Variants in CHCHD6 observed in about 807,000 individuals in gnomAD.
The protein encoded by CHCHD6 is coiled-coil-helix-coiled-coil-helix domain containing 6.
Under a neutral mutation model 32.3 loss-of-function variants are expected in CHCHD6, and 28 were observed. The observed-to-expected ratio is 0.87, with a 90% CI of 0.64 to 1.19. CHCHD6 has a LOEUF of 1.19. Among genes scored for constraint, CHCHD6 ranks in the 50% most tolerant of loss-of-function variants. The pLI is 0.00. For missense variants in CHCHD6, 333 were observed against 307.0 expected (o/e 1.08, Z -0.63); for synonymous variants, 122 against 117.5 (o/e 1.04, Z -0.25).
At chr3:126,865,285 C>T (rs1449364410) in intron 5 of CHCHD6, among the ~76,000 whole-genome samples, 1 of 151,700 alleles carries the variant, frequency 6.6e-6, no homozygotes, top group Non-Finnish European at 1.5e-5. Flanking sequence ...TCCTCTACTT[C>T]CAGCCACCTC....
At chr3:126,801,854 T>C (rs1228887434) in intron 4 of CHCHD6, among the ~76,000 whole-genome samples, 1 of 152,096 alleles carries the variant, frequency 6.6e-6, no homozygotes, top group East Asian at 1.9e-4. Flanking sequence ...CGGGTACTCC[T>C]CTGAGACAAA....
chr3:126,776,909 C>T (rs554296926), intron 4 of CHCHD6, among the ~76,000 whole-genome samples: 1 of 151,506 alleles, frequency 6.6e-6, no homozygotes, highest in Non-Finnish European at 1.5e-5. Context: ...AAGTGACTTG[C>T]CCCAGGCCAC....
chr3:126,707,186 A>G (rs1934528243), intron 1 of CHCHD6, among the ~76,000 whole-genome samples: 1 of 151,808 alleles, frequency 6.6e-6, no homozygotes, highest in African/African-American at 2.4e-5. Context: ...AGAATCCTTG[A>G]ACCCAGGAGG....
intron 4 of CHCHD6, among the ~76,000 whole-genome samples, chr3:126,827,967 A>G (rs1263118558): frequency 6.6e-6 from 1 of 152,108 alleles, no homozygotes; most frequent in African/African-American, 2.4e-5. Flanking sequence ...TGCCCCTCTG[A>G]ACATCCTTCA....
At chr3:126,741,514 G>T (rs1936287278) in intron 4 of CHCHD6, among the ~76,000 whole-genome samples, 1 of 152,130 alleles carries the variant, frequency 6.6e-6, no homozygotes, top group African/African-American at 2.4e-5. Context: ...GAATGAGGCT[G>T]CTCCTACTCA....
intron 1 of CHCHD6, among the ~76,000 whole-genome samples, chr3:126,712,299 G>A (rs1458695513): frequency 2.6e-5 from 4 of 152,124 alleles, no homozygotes; most frequent in African/African-American, 7.2e-5. Context: ...ATAGTACAGC[G>A]TAACCAGTAA....
chr3:126,721,320 C>T (rs142846442), intron 1 of CHCHD6, among the ~76,000 whole-genome samples: 37 of 152,344 alleles, frequency 2.4e-4, no homozygotes, highest in Non-Finnish European at 4.1e-4. Context: ...GGCAGGCGCA[C>T]GGTCTCTTCC....
intron 6 of CHCHD6, chr3:126,949,910 A>C (rs114144186): frequency 0.01 from 1,551 of 154,116 alleles, 29 homozygotes; most frequent in African/African-American, 0.035. Flanking sequence ...TTTTGATGAG[A>C]AGAAAAGGCT....
chr3:126,869,959 A>C (rs2077443091), intron 5 of CHCHD6, among the ~76,000 whole-genome samples: 1 of 152,180 alleles, frequency 6.6e-6, no homozygotes, highest in African/African-American at 2.4e-5. Flanking sequence ...GTTAGAAGGC[A>C]CTTTCAGGAT....
intron 6 of CHCHD6, chr3:126,957,174 C>T (rs2078797368): frequency 5.2e-6 from 3 of 576,672 alleles, no homozygotes; most frequent in Non-Finnish European, 9.3e-6. Context: ...CATACCACAG[C>T]ATGTTTCAGT....
chr3:126,800,592 C>T (rs185439531), intron 4 of CHCHD6, among the ~76,000 whole-genome samples: 22 of 152,272 alleles, frequency 1.4e-4, no homozygotes, highest in Admixed American at 8.5e-4. Context: ...GATAAAACTA[C>T]GAGATAAAAC....
chr3:126,788,284 C>G (rs1426561409), intron 4 of CHCHD6, among the ~76,000 whole-genome samples: 1 of 152,126 alleles, frequency 6.6e-6, no homozygotes, highest in Non-Finnish European at 1.5e-5. Context: ...GTCTAAAATT[C>G]TCTTTTTTGG....
chr3:126,942,987 C>G (rs1004921840), intron 6 of CHCHD6, among the ~76,000 whole-genome samples: 1 of 152,196 alleles, frequency 6.6e-6, no homozygotes, highest in Non-Finnish European at 1.5e-5. Context: ...AGGGCTCTCT[C>G]TCTCTCCTTT....
intron 4 of CHCHD6, among the ~76,000 whole-genome samples, chr3:126,782,652 T>A (rs777928456): frequency 5.3e-5 from 8 of 152,114 alleles, no homozygotes; most frequent in Non-Finnish European, 1.0e-4. Context: ...AGTAGGCAGG[T>A]CCTCCCGCAG....
chr3:126,720,784 C>G (rs1935245791), intron 1 of CHCHD6, among the ~76,000 whole-genome samples: 1 of 152,160 alleles, frequency 6.6e-6, no homozygotes, highest in Non-Finnish European at 1.5e-5. Flanking sequence ...ACTTCGCACC[C>G]AGCCTGGTGT....
intron 5 of CHCHD6, among the ~76,000 whole-genome samples, chr3:126,873,212 T>C (rs2077499481): frequency 6.6e-6 from 1 of 152,260 alleles, no homozygotes; most frequent in African/African-American, 2.4e-5. Context: ...GTGATAGTGC[T>C]GGAGCTGGGA....
At chr3:126,729,935 G>A (rs1935712962) in intron 2 of CHCHD6, among the ~76,000 whole-genome samples, 2 of 152,176 alleles carry the variant, frequency 1.3e-5, no homozygotes, top group African/African-American at 2.4e-5. Context: ...AAAACCTTCA[G>A]TATCAGCAAG....
At chr3:126,720,038 G>A (rs921385852) in intron 1 of CHCHD6, among the ~76,000 whole-genome samples, 5 of 152,026 alleles carry the variant, frequency 3.3e-5, no homozygotes, top group Admixed American at 2.0e-4. Context: ...CCGCCACCAC[G>A]CCAGGCTAAT....
Position 126,852,759 on chromosome 3 carries a change from G to A in CHCHD6, c.495+29G>A, listed in dbSNP as rs751945172. The A allele has an allele frequency of 2.3e-5, 35 of 1,510,068 alleles. 1 individual carries two copies. The highest frequency in any genetic ancestry group is 1.9e-4 in the South Asian group (17 of 88,366). The allele number at this position is 1,510,068 out of a possible 1,614,324, so 93.5% of individuals were successfully genotyped here. A position where few individuals can be genotyped will look rare whatever the true frequency, so the allele number is the denominator to read the frequency against. ...AGACTCCTGCTTGGCTGCATTCCTC[G>A]GGGCCAGGTCCTAAAGGCATCTGAC... On this transcript the variant is annotated intron_variant, in intron 5 of 7. Coordinates refer to ENST00000290913, the MANE Select transcript of CHCHD6 (RefSeq NM_032343.3).
Sources: allele counts gnomAD v4.1 joint callset (sites outside exome capture counted in the v4.1 genomes callset), GRCh38; gene constraint gnomAD v4.1.1; transcripts MANE v1.5; gene names NCBI Gene and HGNC (gene_info 2026-07-23, HGNC 2026-07-21).